Variants in RXRA observed in about 807,000 individuals in gnomAD.
RXRA encodes the protein retinoid X receptor alpha.
Under a neutral mutation model 44.5 loss-of-function variants are expected in RXRA, and 5 were observed. That is an observed-to-expected ratio of 0.11 (90% CI 0.06 to 0.24). RXRA has a LOEUF of 0.24. RXRA is among the 10% of genes least tolerant of loss of function. RXRA has a pLI of 1.00. For synonymous variants in RXRA, 291 were observed against 271.4 expected, an observed-to-expected ratio of 1.07 and a Z score of -0.71; for missense variants, 412 against 646.5, an observed-to-expected ratio of 0.64 and a Z score of 3.93.
rs887137963 is a variant in RXRA at position 134,438,368 on chromosome 9, C to G, written c.*1754C>G. On this transcript the variant is annotated 3_prime_UTR_variant, in exon 10 of 10. Transcript: ENST00000481739. ...GTCCATTCTTTGCCTTCCTGGAGCT[C>G]CCAGCCAGAGCTGAGCTTAGGCACC... 3 of 152,298 alleles carry G rather than the reference C, an allele frequency of 2.0e-5. No homozygotes were observed. The East Asian group carries it at 5.8e-4, about 29-fold the overall frequency. The allele number at this position is 152,298 out of a possible 1,614,324, so 9.4% of individuals were successfully genotyped here. A position where few individuals can be genotyped will look rare whatever the true frequency, so the allele number is the denominator to read the frequency against.
At chr9:134,419,769 C>G (rs1027826558) in intron 5 of RXRA, among the ~76,000 whole-genome samples, 1 of 152,216 alleles carries the variant, frequency 6.6e-6, no homozygotes, top group African/African-American at 2.4e-5. Flanking sequence ...GAGGTGGAGC[C>G]AGGATCCTGC....
rs541329140 is a variant in RXRA at position 134,342,849 on chromosome 9, G to A, written c.28+16190G>A. On this transcript the variant is annotated intron_variant, in intron 1 of 9. Coordinates refer to ENST00000481739, the MANE Select transcript of RXRA (RefSeq NM_002957.6). This position sits in a 1 kb window ranked among gnomAD's most constrained non-coding sequence, Gnocchi z 4.4. ...CAGGTTGAGCGCAGGTGGTGGCTGTGGCCCTGCCACCACCACAGTGACCTT... is the reference window on the plus strand; with the variant it reads ...CAGGTTGAGCGCAGGTGGTGGCTGTAGCCCTGCCACCACCACAGTGACCTT... Among the ~76,000 whole-genome samples the A allele has an allele frequency of 4.6e-5, 7 of 152,310 alleles. No individual in the cohort carries two copies. The South Asian group carries it at 6.2e-4, about 14-fold the overall frequency.
chr9:134,423,883 C>T (rs986622185), intron 6 of RXRA: 15 of 985,254 alleles, frequency 1.5e-5, no homozygotes, highest in African/African-American at 1.7e-5. Flanking sequence ...CCACCCCACC[C>T]CAACCCACCA....
In RXRA at chr9:134,381,228, C is replaced by CGTATG. The variant is rs1190736312; in HGVS notation, c.29-20402_29-20398dup. Among the ~76,000 whole-genome samples the CGTATG allele has an allele frequency of 3.9e-5, 6 of 152,208 alleles. No individual in the cohort carries two copies. In the East Asian group the frequency reaches 1.2e-3, roughly 29 times the overall value. ...GCTGCAGAGGCTTTGAAGAGGCAGG[C>CGTATG]GTATGGGAGTGCGTGGCCAGGTTGC... On this transcript the variant is annotated intron_variant, in intron 1 of 9. Coordinates refer to ENST00000481739, the MANE Select transcript of RXRA (RefSeq NM_002957.6).
intron 6 of RXRA, chr9:134,422,514 C>T (rs1377141855): frequency 8.0e-5 from 97 of 1,215,998 alleles, no homozygotes; most frequent in Non-Finnish European, 9.7e-5. Context: ...TCCCCTCTCC[C>T]GGGACACTCC....
intron 3 of RXRA, among the ~76,000 whole-genome samples, chr9:134,408,648 A>G (rs1210716370): frequency 1.3e-5 from 2 of 152,228 alleles, no homozygotes; most frequent in Non-Finnish European, 1.5e-5. Context: ...CTGACCCCCA[A>G]CGGCCTGAGA....
At position 134,434,143 on chromosome 9, in the gene RXRA, AG is replaced by A; in HGVS notation, c.1180del (p.Glu394ArgfsTer68). 1 of 1,613,704 alleles carries A rather than the reference AG, an allele frequency of 6.2e-7. No individual in the cohort carries two copies. The highest frequency in any genetic ancestry group is 8.5e-7 in the Non-Finnish European group (1 of 1,179,886). On this transcript the variant is annotated frameshift_variant, in exon 9 of 10. Transcript: ENST00000481739. LOFTEE classifies it high-confidence loss of function. The part of the protein sequence containing the change: ...LSNPAEVEAL[R>X]EKVYASLEAY... ...GAACCCGGCCGAGGTGGAGGCGCTG[AG>A]GGAGAAGGTCTATGCGTCCTTGGAG...
Position 134,417,486 on chromosome 9 carries a change from G to A in RXRA, c.780+159G>A, listed in dbSNP as rs1028516863. On this transcript the variant is annotated intron_variant, in intron 5 of 9. Coordinates refer to ENST00000481739, the MANE Select transcript of RXRA (RefSeq NM_002957.6). This position sits in a 1 kb window ranked among gnomAD's most constrained non-coding sequence, Gnocchi z 6.1. Reference sequence around the variant, plus strand: ...TCGGCCTCTTACCTGAGGTGACCCCGTGGGCCCCTCGCCCCAGCTGGGCGG... The same window carrying A: ...TCGGCCTCTTACCTGAGGTGACCCCATGGGCCCCTCGCCCCAGCTGGGCGG... Among the ~76,000 whole-genome samples, 1 of 152,086 alleles carries A rather than the reference G, an allele frequency of 6.6e-6. No individual in the cohort carries two copies. Among genetic ancestry groups the A allele is most frequent in the Non-Finnish European group, 1.5e-5 (1 of 67,984 alleles).
chr9:134,367,991 C>A (rs910098407), intron 1 of RXRA, among the ~76,000 whole-genome samples: 1 of 152,258 alleles, frequency 6.6e-6, no homozygotes, highest in African/African-American at 2.4e-5. Context: ...CGCTCCCTGC[C>A]TGCTCAGAGT....
chr9:134,348,505 G>A (rs546872602), intron 1 of RXRA, among the ~76,000 whole-genome samples: 1 of 131,844 alleles, frequency 7.6e-6, no homozygotes, highest in African/African-American at 3.1e-5. Context: ...CTTGTCCCCT[G>A]CTGCAGATGG....
At chr9:134,398,131 C>T (rs1051826857) in intron 1 of RXRA, among the ~76,000 whole-genome samples, 5 of 152,176 alleles carry the variant, frequency 3.3e-5, no homozygotes, top group African/African-American at 9.7e-5. Flanking sequence ...AGGCGTGCAC[C>T]ACCATGCCCA....
chr9:134,385,608 G>T (rs1381218107), intron 1 of RXRA, among the ~76,000 whole-genome samples: 1 of 152,220 alleles, frequency 6.6e-6, no homozygotes, highest in African/African-American at 2.4e-5. Flanking sequence ...AGCAGGTGGG[G>T]ATGGCACGGT....
chr9:134,333,296 G>A (rs1835034396), intron 1 of RXRA, among the ~76,000 whole-genome samples: 1 of 152,202 alleles, frequency 6.6e-6, no homozygotes, highest in South Asian at 2.1e-4. Flanking sequence ...ACTGCCTGCT[G>A]GGGTGAGGGA....
At chr9:134,359,230 T>C (rs1830319722) in intron 1 of RXRA, among the ~76,000 whole-genome samples, 1 of 152,022 alleles carries the variant, frequency 6.6e-6, no homozygotes, top group Admixed American at 6.5e-5. Flanking sequence ...GCTGGGGAAA[T>C]TGAGGCAGAG....
intron 7 of RXRA, 43 bp downstream of exon 7, chr9:134,429,283 C>G (rs751708230): frequency 6.3e-7 from 1 of 1,595,060 alleles, no homozygotes; most frequent in Non-Finnish European, 8.5e-7. Flanking sequence ...TCGGTCACCT[C>G]CGCCACCAGG....
At chr9:134,391,352 C>T (rs1461483119) in intron 1 of RXRA, among the ~76,000 whole-genome samples, 1 of 152,198 alleles carries the variant, frequency 6.6e-6, no homozygotes, top group Non-Finnish European at 1.5e-5. Context: ...GAAAGCCTGG[C>T]CGTTCCACGA....
In RXRA at chr9:134,407,754, C is replaced by T. The variant is rs779500702; in HGVS notation, c.280-395C>T. Among the ~76,000 whole-genome samples, 11 of 152,102 alleles carry T rather than the reference C, an allele frequency of 7.2e-5. No individual in the cohort carries two copies. The highest frequency in any genetic ancestry group is 1.3e-4 in the Non-Finnish European group (9 of 67,992). On this transcript the variant is annotated intron_variant, in intron 2 of 9. Coordinates refer to ENST00000481739, the MANE Select transcript of RXRA (RefSeq NM_002957.6). This position sits in a 1 kb window ranked among gnomAD's most constrained non-coding sequence, Gnocchi z 4.8. ...GGTTGGGACCCCCCAGAGTGCCTGC[C>T]TCATGGAGTGTCCGGGGGCACCCAG...
At chr9:134,370,016 C>T (rs1337392461) in intron 1 of RXRA, among the ~76,000 whole-genome samples, 1 of 152,168 alleles carries the variant, frequency 6.6e-6, no homozygotes, top group East Asian at 1.9e-4. Context: ...AAAGCACAGC[C>T]CGTTTCCCTT....
chr9:134,416,495 C>T (rs980947119), intron 4 of RXRA, among the ~76,000 whole-genome samples: 19 of 152,112 alleles, frequency 1.2e-4, no homozygotes, highest in African/African-American at 4.6e-4. Flanking sequence ...GGGGCATGGT[C>T]GGTGGAGCTG....
Sources: allele counts gnomAD v4.1 joint callset (sites outside exome capture counted in the v4.1 genomes callset), GRCh38; gene constraint gnomAD v4.1.1; non-coding constraint Gnocchi (gnomAD v3.1); transcripts MANE v1.5; gene names NCBI Gene and HGNC (gene_info 2026-07-23, HGNC 2026-07-21).